MMD: variants seen among roughly 807,000 people sequenced by gnomAD.
MMD encodes the protein monocyte to macrophage differentiation factor.
Under a neutral mutation model 33.6 loss-of-function variants are expected in MMD, and 22 were observed. The observed-to-expected ratio is 0.66, with a 90% CI of 0.47 to 0.94. The LOEUF is 0.94. MMD is among the 40% of genes least tolerant of loss of function. MMD has a pLI of 0.00. For missense variants in MMD, 242 were observed against 309.8 expected (o/e 0.78, Z 1.64); for synonymous variants, 97 against 103.2 (o/e 0.94, Z 0.36).
intron 3 of MMD, 106 bp downstream of exon 3, chr17:55,411,151 T>C (rs1264878220): frequency 7.1e-6 from 9 of 1,275,310 alleles, no homozygotes; most frequent in Non-Finnish European, 9.7e-6. Flanking sequence ...GGCAGAAAAA[T>C]GTCTACTCTT....
At position 55,421,805 on chromosome 17, in the gene MMD, G is replaced by A; in HGVS notation, c.-110C>T. On this transcript the variant is annotated 5_prime_UTR_variant, in exon 1 of 7. Coordinates refer to ENST00000262065, the MANE Select transcript of MMD (RefSeq NM_012329.3). Reference sequence around the variant, plus strand: ...GCTCCGGAGGCCGCCTGCGTGTCCAGCGGAACCCTTCGGCCGGGTAGGGTC... The same window carrying A: ...GCTCCGGAGGCCGCCTGCGTGTCCAACGGAACCCTTCGGCCGGGTAGGGTC... 1 of 1,303,444 alleles carries A rather than the reference G, an allele frequency of 7.7e-7. No individual in the cohort carries two copies. 80.7% of individuals were successfully genotyped at this position (1,303,444 alleles called of 1,614,324 possible).
intron 3 of MMD, among the ~76,000 whole-genome samples, chr17:55,408,509 T>C (rs1372021826): frequency 6.6e-6 from 1 of 152,232 alleles, no homozygotes; most frequent in Non-Finnish European, 1.5e-5. Flanking sequence ...GGTCTATTCA[T>C]AAAATGGATT....
At chr17:55,404,353 TAAAA>T in intron 4 of MMD, 2 of 568,650 alleles carry the variant, frequency 3.5e-6, no homozygotes, top group Non-Finnish European at 4.4e-6. Flanking sequence ...AGACTCCACC[TAAAA>T]AAAAAAAAGA....
chr17:55,406,744 G>A (rs1031637097), intron 4 of MMD, among the ~76,000 whole-genome samples: 4 of 152,060 alleles, frequency 2.6e-5, no homozygotes, highest in African/African-American at 7.2e-5. Flanking sequence ...AAATTAGCTC[G>A]GTGTGGTGGC....
chr17:55,398,828 G>T (rs947379885), intron 6 of MMD, among the ~76,000 whole-genome samples: 6 of 152,180 alleles, frequency 3.9e-5, no homozygotes, highest in African/African-American at 1.2e-4. Flanking sequence ...CACCATCTCT[G>T]AACTCTGCTT....
chr17:55,397,319 G>A (rs748835873), intron 6 of MMD, among the ~76,000 whole-genome samples: 6 of 151,298 alleles, frequency 4.0e-5, no homozygotes, highest in Non-Finnish European at 8.8e-5. Flanking sequence ...CCACCACCAC[G>A]CCCAGCTAAT....
chr17:55,409,380 C>T (rs1432646893), intron 3 of MMD, among the ~76,000 whole-genome samples: 3 of 152,142 alleles, frequency 2.0e-5, no homozygotes, highest in African/African-American at 7.2e-5. Flanking sequence ...CTTTCTAATT[C>T]TGTTTTCTAG....
Position 55,414,209 on chromosome 17 carries a change from G to A in MMD, c.50C>T (p.Ala17Val). ...GCAAGTTGGCTTGTAGCGGCCATTG[G>A]CTGGAGCTCGATGGTTCATGAACCT... ...FQRFMNHRAP[A>V]NGRYKPTCYE... Residue 17 changes from alanine to valine, a missense_variant, in exon 2 of 7, where the codon GCC (alanine) becomes GTC (valine). Ala to Val is a moderately conservative substitution (Grantham distance 64, BLOSUM62 0). Coordinates refer to ENST00000262065, the MANE Select transcript of MMD (RefSeq NM_012329.3). The A allele has an allele frequency of 5.0e-6, 8 of 1,613,868 alleles. No individual in the cohort carries two copies. In the East Asian group the frequency reaches 6.7e-5, roughly 13 times the overall value.
intron 1 of MMD, chr17:55,420,586 AG>A (rs1212997046): frequency 1.3e-5 from 2 of 152,120 alleles, no homozygotes; most frequent in Non-Finnish European, 2.9e-5. Context: ...GAGATTGGAA[AG>A]AAAAAAAAAA....
At chr17:55,421,119 C>T (rs1908169533) in intron 1 of MMD, among the ~76,000 whole-genome samples, 1 of 152,240 alleles carries the variant, frequency 6.6e-6, no homozygotes, top group Non-Finnish European at 1.5e-5. Flanking sequence ...GCTAAGCTGG[C>T]GGAGCGTGCC....
intron 5 of MMD, among the ~76,000 whole-genome samples, chr17:55,402,171 A>G (rs1220663976): frequency 6.6e-6 from 1 of 152,028 alleles, no homozygotes; most frequent in East Asian, 1.9e-4. Flanking sequence ...TCCACCTTGT[A>G]AAATATTTCC....
chr17:55,409,400 C>T lies in MMD; in HGVS notation c.270-1580G>A, dbSNP rs137948222. On this transcript the variant is annotated intron_variant, in intron 3 of 6. Coordinates refer to ENST00000262065, the MANE Select transcript of MMD (RefSeq NM_012329.3). ...TAATTCTGTTTTCTAGATTGTCATA[C>T]GCTGTTAGAGTAGGTAGACAACAGA... Among the ~76,000 whole-genome samples the T allele has an allele frequency of 6.8e-4, 103 of 152,228 alleles. 1 individual carries two copies. In the East Asian group the frequency reaches 0.017, roughly 25 times the overall value.
intron 3 of MMD, 138 bp from the exon 4 acceptor site, chr17:55,407,958 G>T: frequency 3.4e-6 from 2 of 594,496 alleles, no homozygotes; most frequent in Non-Finnish European, 5.6e-6. Flanking sequence ...AGGTTACACA[G>T]ATTTTTGTTG....
chr17:55,407,679 GA>G, intron 4 of MMD, 66 bp downstream of exon 4: 1 of 1,435,530 alleles, frequency 7.0e-7, no homozygotes, highest in African/African-American at 1.4e-5. Flanking sequence ...AGGGAGAAAG[GA>G]AAGGAGGAGT....
At position 55,421,680 on chromosome 17, in the gene MMD, G is replaced by C. The variant is rs779190270; in HGVS notation, c.16C>G (p.Arg6Gly). 4 of 1,597,806 alleles carry C rather than the reference G, an allele frequency of 2.5e-6. No homozygotes were observed. In the South Asian group the frequency reaches 4.4e-5, roughly 18 times the overall value. MRFKN[R>G]FQRFMNHRAP... ...CGCCATCCCTCTCACCGCTGGAATC[G>C]ATTCTTGAACCGCATTGATCCTCTG... The change falls in exon 1 of 7, where the codon CGA becomes GGA. Residue 6 changes from arginine (R) to glycine (G), a missense_variant. Physicochemically the swap from Arg to Gly is moderately radical, Grantham distance 125 (BLOSUM62 -2). Coordinates refer to ENST00000262065, the MANE Select transcript of MMD (RefSeq NM_012329.3).
rs149814190 is a variant in MMD at position 55,414,009 on chromosome 17, C to T, written c.108+142G>A. 118 of 736,086 alleles carry T rather than the reference C, an allele frequency of 1.6e-4. 1 individual carries two copies. The highest frequency in any genetic ancestry group is 1.6e-3 in the African/African-American group (91 of 57,010). The allele number at this position is 736,086 out of a possible 1,614,324, so 45.6% of individuals were successfully genotyped here. On this transcript the variant is annotated intron_variant, in intron 2 of 6. Transcript: ENST00000262065. ...CATGCTTACATAGTTTCTGGTGACA[C>T]GACCCAGAACTGATTTCCTGGTAGA...
At chr17:55,421,008 G>T (rs1469363170) in intron 1 of MMD, among the ~76,000 whole-genome samples, 1 of 152,114 alleles carries the variant, frequency 6.6e-6, no homozygotes, top group Non-Finnish European at 1.5e-5. Context: ...AGCAGGTCTC[G>T]CCACCCGAAA....
intron 4 of MMD, among the ~76,000 whole-genome samples, chr17:55,404,214 G>A (rs1447788807): frequency 6.6e-6 from 1 of 152,086 alleles, no homozygotes; most frequent in Non-Finnish European, 1.5e-5. Context: ...AATTAGCCAG[G>A]TGTGGTGGCA....
At chr17:55,421,597 C>T (rs1880219201) in intron 1 of MMD, 73 bp downstream of exon 1, 1 of 1,580,782 alleles carries the variant, frequency 6.3e-7, no homozygotes, top group Non-Finnish European at 8.6e-7. Flanking sequence ...AGCCGGGAGC[C>T]GTGCGCTTAA....
Sources: allele counts gnomAD v4.1 joint callset (sites outside exome capture counted in the v4.1 genomes callset), GRCh38; gene constraint gnomAD v4.1.1; transcripts MANE v1.5; gene names NCBI Gene and HGNC (gene_info 2026-07-23, HGNC 2026-07-21).